The following RTN1 variants were observed in gnomAD, a reference collection of about 807,000 sequenced individuals.
RTN1 encodes reticulon 1.
In RTN1, 25 loss-of-function variants were observed where a neutral mutation model predicts 65.5. The ratio of observed to expected loss-of-function variants is 0.38; its 90% CI spans 0.28 to 0.53. RTN1 has a LOEUF of 0.53. Ranked by LOEUF, RTN1 falls within the 20% of genes least tolerant of loss-of-function variation. The probability of loss-of-function intolerance (pLI) is 0.79; values close to 1 mark genes in which losing one functional copy is unlikely to be tolerated. For synonymous variants in RTN1, 471 were observed against 447.6 expected, an observed-to-expected ratio of 1.05 and a Z score of -0.66; for missense variants, 983 against 1,025.4, an observed-to-expected ratio of 0.96 and a Z score of 0.57.
intron 1 of RTN1, among the ~76,000 whole-genome samples, chr14:59,863,632 T>G (rs971178147): frequency 6.6e-6 from 1 of 152,194 alleles, no homozygotes; most frequent in African/African-American, 2.4e-5. Flanking sequence ...TGATCTCATC[T>G]CTACACCAAC....
At chr14:59,767,142 C>T (rs1268183106) in intron 1 of RTN1, among the ~76,000 whole-genome samples, 1 of 152,236 alleles carries the variant, frequency 6.6e-6, no homozygotes, top group Non-Finnish European at 1.5e-5. Context: ...ACTCTTGCTA[C>T]CTTCCCTGCC....
intron 3 of RTN1, among the ~76,000 whole-genome samples, chr14:59,617,739 G>T (rs189795558): frequency 6.6e-6 from 1 of 152,206 alleles, no homozygotes; most frequent in East Asian, 1.9e-4. Context: ...CTTATAGTAG[G>T]CTGTTCACTT....
At chr14:59,818,926 C>T (rs1886871345) in intron 1 of RTN1, among the ~76,000 whole-genome samples, 1 of 152,196 alleles carries the variant, frequency 6.6e-6, no homozygotes, top group African/African-American at 2.4e-5. Flanking sequence ...AATGAAGACG[C>T]GGACCTTCGC....
intron 1 of RTN1, among the ~76,000 whole-genome samples, chr14:59,817,637 T>G (rs1050724838): frequency 9.9e-5 from 15 of 152,116 alleles, no homozygotes; most frequent in African/African-American, 3.6e-4. Context: ...TTGATTTTTT[T>G]TTTTTTAAGA....
At chr14:59,772,368 C>T (rs1328927096) in intron 1 of RTN1, among the ~76,000 whole-genome samples, 1 of 151,802 alleles carries the variant, frequency 6.6e-6, no homozygotes, top group East Asian at 1.9e-4. Context: ...TATTCCAATT[C>T]CATTGTTCAA....
intron 2 of RTN1, among the ~76,000 whole-genome samples, chr14:59,741,080 CT>C (rs1459212741): frequency 6.6e-6 from 1 of 152,192 alleles, no homozygotes; most frequent in Non-Finnish European, 1.5e-5. Flanking sequence ...TTAGGACTCC[CT>C]TTGTTCCTGG....
chr14:59,717,617 G>T (rs8018248), intron 3 of RTN1, among the ~76,000 whole-genome samples: 1 of 152,168 alleles, frequency 6.6e-6, no homozygotes, highest in Non-Finnish European at 1.5e-5. Flanking sequence ...TTGTGGGGTG[G>T]AGAGATGTTA....
intron 3 of RTN1, among the ~76,000 whole-genome samples, chr14:59,654,634 G>A (rs1883086662): frequency 6.6e-6 from 1 of 151,744 alleles, no homozygotes; most frequent in Non-Finnish European, 1.5e-5. Context: ...ATCATGATTA[G>A]GTGGGATTTG....
chr14:59,657,363 T>A (rs1883143220), intron 3 of RTN1, among the ~76,000 whole-genome samples: 1 of 152,194 alleles, frequency 6.6e-6, no homozygotes, highest in African/African-American at 2.4e-5. Context: ...GAGCCGAGAC[T>A]GCGCTACTGC....
chr14:59,824,582 G>A (rs1886998430), intron 1 of RTN1, among the ~76,000 whole-genome samples: 1 of 152,158 alleles, frequency 6.6e-6, no homozygotes, highest in African/African-American at 2.4e-5. Flanking sequence ...TGATTTACAG[G>A]AAAATACTCC....
At chr14:59,699,009 T>G (rs1218185299) in intron 3 of RTN1, among the ~76,000 whole-genome samples, 1 of 152,172 alleles carries the variant, frequency 6.6e-6, no homozygotes, top group African/African-American at 2.4e-5. Context: ...GATTCAAATA[T>G]TGAGCAAGAG....
chr14:59,719,711 G>C (rs1349675717), intron 3 of RTN1, among the ~76,000 whole-genome samples: 2 of 152,188 alleles, frequency 1.3e-5, no homozygotes, highest in Non-Finnish European at 2.9e-5. Context: ...CTATGTCTAT[G>C]AGGATCCCAC....
At chr14:59,791,331 T>C (rs1400722001) in intron 1 of RTN1, among the ~76,000 whole-genome samples, 1 of 152,154 alleles carries the variant, frequency 6.6e-6, no homozygotes, top group Non-Finnish European at 1.5e-5. Flanking sequence ...TTCATCTTCT[T>C]ATATGTTCAG....
At chr14:59,780,985 C>G (rs1401973086) in intron 1 of RTN1, among the ~76,000 whole-genome samples, 1 of 152,174 alleles carries the variant, frequency 6.6e-6, no homozygotes, top group Non-Finnish European at 1.5e-5. Context: ...GGGCATGGCA[C>G]CTGCATAGAA....
intron 3 of RTN1, among the ~76,000 whole-genome samples, chr14:59,638,845 C>T (rs1412707523): frequency 6.6e-6 from 1 of 152,224 alleles, no homozygotes; most frequent in Non-Finnish European, 1.5e-5. Flanking sequence ...GCTTTCTTAT[C>T]AATCATGTGT....
intron 1 of RTN1, among the ~76,000 whole-genome samples, chr14:59,770,378 CAAAAAAA>C (rs774086177): frequency 3.7e-5 from 2 of 53,752 alleles, no homozygotes; most frequent in African/African-American, 1.9e-4. Context: ...AACTCTGCCT[CAAAAAAA>C]AAAAAAAAAA....
intron 1 of RTN1, among the ~76,000 whole-genome samples, chr14:59,748,124 G>T (rs779413435): frequency 8.6e-5 from 13 of 151,438 alleles, no homozygotes; most frequent in Admixed American, 2.0e-4. Context: ...GGCAGTAAGT[G>T]GTAGAACCAG....
rs1243468781 is a variant in RTN1 at position 59,727,042 on chromosome 14, G to A, written c.1642C>T (p.Pro548Ser). ...PGDGALEPET[P>S]MLPRKPEEDS... ...TCTTCAGGCTTCCGTGGCAACATGG[G>A]CGTCTCAGGCTCCAGGGCTCCGTCT... The change falls in exon 3 of 9, where the codon CCC becomes TCC. Residue 548 changes from proline (P) to serine (S), a missense_variant. Physicochemically the swap from Pro to Ser is moderately conservative, Grantham distance 74. Coordinates refer to ENST00000267484, the MANE Select transcript of RTN1 (RefSeq NM_021136.3). The surrounding 1 kb of genome is among the most constrained non-coding windows in gnomAD (Gnocchi z 4.2). The A allele has an allele frequency of 3.7e-6, 6 of 1,613,496 alleles. No individual in the cohort carries two copies. The highest frequency in any genetic ancestry group is 2.2e-5 in the South Asian group (2 of 90,910).
chr14:59,730,161 A>ATT (rs1465100035), intron 2 of RTN1, among the ~76,000 whole-genome samples: 1 of 152,192 alleles, frequency 6.6e-6, no homozygotes, highest in Non-Finnish European at 1.5e-5. Context: ...TGATATAACT[A>ATT]CATGGTTAGA....
Sources: allele counts gnomAD v4.1 joint callset (sites outside exome capture counted in the v4.1 genomes callset), GRCh38; gene constraint gnomAD v4.1.1; non-coding constraint Gnocchi (gnomAD v3.1); transcripts MANE v1.5; gene names NCBI Gene and HGNC (gene_info 2026-07-23, HGNC 2026-07-21).